RGMA: variants seen among roughly 807,000 people sequenced by gnomAD.
RGMA encodes repulsive guidance molecule A.
RGMA carries 10 observed loss-of-function variants against 23.2 expected under a neutral mutation model. That is an observed-to-expected ratio of 0.43 (90% confidence interval 0.27 to 0.73). The LOEUF is 0.73. Among genes scored for constraint, RGMA ranks in the 30% least tolerant of loss-of-function variants. The pLI is 0.20. For missense variants in RGMA, 547 were observed against 630.5 expected (o/e 0.87, Z 1.42); for synonymous variants, 308 against 279.3 (o/e 1.10, Z -1.03).
chr15:93,044,957 C>A lies in RGMA; in HGVS notation c.*41G>T. 1 of 1,498,122 alleles carries A rather than the reference C, an allele frequency of 6.7e-7. No individual in the cohort carries two copies. Among genetic ancestry groups the A allele is most frequent in the Non-Finnish European group, 9.0e-7 (1 of 1,109,480 alleles). The allele number at this position is 1,498,122 out of a possible 1,614,324, so 92.8% of individuals were successfully genotyped here. On this transcript the variant is annotated 3_prime_UTR_variant, in exon 4 of 4. Coordinates refer to ENST00000329082, the MANE Select transcript of RGMA (RefSeq NM_020211.3). The stretch of plus-strand genomic sequence containing the variant: ...CGGTCCCAGCCCACACATGGGGAAG[C>A]CGAGAGGACGGAGCCCGCGCCTCCC...
chr15:93,073,849 T>G (rs1001716956), intron 1 of RGMA: 17 of 1,501,710 alleles, frequency 1.1e-5, no homozygotes, highest in Non-Finnish European at 1.5e-5. Flanking sequence ...GCTGAGGGCC[T>G]GCGGGCCTAA....
intron 2 of RGMA, among the ~76,000 whole-genome samples, chr15:93,054,323 T>C (rs2054977401): frequency 6.6e-6 from 1 of 152,090 alleles, no homozygotes; most frequent in Non-Finnish European, 1.5e-5. Flanking sequence ...AGGGTCAGGT[T>C]AGGTAAATGA....
At chr15:93,054,264 C>G (rs2054976600) in intron 2 of RGMA, among the ~76,000 whole-genome samples, 1 of 150,322 alleles carries the variant, frequency 6.7e-6, no homozygotes, top group Non-Finnish European at 1.5e-5. Context: ...GGAAGAGCTA[C>G]AGATTTTCCA....
chr15:93,058,238 G>A (rs1300402963), intron 2 of RGMA, among the ~76,000 whole-genome samples: 2 of 152,230 alleles, frequency 1.3e-5, no homozygotes, highest in Non-Finnish European at 2.9e-5. Flanking sequence ...TTCTTATGGG[G>A]CAGTGCCCAG....
At chr15:93,061,991 C>G (rs901921492) in intron 2 of RGMA, among the ~76,000 whole-genome samples, 1 of 151,980 alleles carries the variant, frequency 6.6e-6, no homozygotes, top group Non-Finnish European at 1.5e-5. Flanking sequence ...CAATTTGCCA[C>G]CAAGAAAAGC....
intron 2 of RGMA, among the ~76,000 whole-genome samples, chr15:93,056,892 C>G (rs2055023748): frequency 6.6e-6 from 1 of 152,204 alleles, no homozygotes; most frequent in Admixed American, 6.5e-5. Flanking sequence ...ACAGGGTCCC[C>G]CACAAAGGCC....
chr15:93,035,436 G>C lies in RGMA; in HGVS notation c.*9562C>G, dbSNP rs147660098. On this transcript the variant is annotated 3_prime_UTR_variant, in exon 4 of 4. Transcript: ENST00000329082. ...GTGGGAATTGATGGCCAAGGAGCAG[G>C]GTGGGCTCAGTGGATGGAAAACCTC... 1.1e-3 allele frequency: 175 copies of C among 152,364 alleles called. 1 individual carries two copies. The highest frequency in any genetic ancestry group is 4.0e-3 in the African/African-American group (167 of 41,548). The allele number at this position is 152,364 out of a possible 1,614,324, so 9.4% of individuals were successfully genotyped here.
In RGMA at chr15:93,052,505, T is replaced by C. The variant is rs763101443; in HGVS notation, c.133A>G (p.Thr45Ala). The change falls in exon 3 of 4, where the codon ACC becomes GCC. Residue 45 changes from threonine to alanine, a missense_variant and splice_region_variant. By Grantham distance (58) the Thr-to-Ala change is moderately conservative. Around this residue, in one of 3 missense-constraint regions of RGMA, gnomAD observed 214 missense variants for 234.7 expected, o/e 0.91. Coordinates refer to ENST00000329082, the MANE Select transcript of RGMA (RefSeq NM_020211.3). ...AFLLCSFPAA[T>A]SPCKILKCNS... ...CACTTGAGGATCTTGCACGGGGAGG[T>C]GGCTGAGGAGAAAGGAACGAACACA... The C allele has an allele frequency of 2.6e-6, 4 of 1,566,418 alleles. No individual in the cohort carries two copies. In the South Asian group the frequency reaches 3.4e-5, roughly 13 times the overall value.
chr15:93,069,007 T>C (rs1895239644), intron 2 of RGMA, among the ~76,000 whole-genome samples: 1 of 152,202 alleles, frequency 6.6e-6, no homozygotes, highest in African/African-American at 2.4e-5. Context: ...TTATGGTATT[T>C]TGTTACAGCA....
chr15:93,050,075 G>C (rs2054892977), intron 3 of RGMA, among the ~76,000 whole-genome samples: 1 of 152,196 alleles, frequency 6.6e-6, no homozygotes, highest in Non-Finnish European at 1.5e-5. Flanking sequence ...TTGGTGGATG[G>C]GCTCCCCAGT....
Position 93,044,699 on chromosome 15 carries a change from TG to T in RGMA, c.*298del, listed in dbSNP as rs2054785269. 3 of 324,904 alleles carry T rather than the reference TG, an allele frequency of 9.2e-6. No individual in the cohort carries two copies. Among genetic ancestry groups the T allele is most frequent in the Non-Finnish European group, 1.1e-5 (2 of 189,696 alleles). The allele number at this position is 324,904 out of a possible 1,614,324, so 20.1% of individuals were successfully genotyped here. A position where few individuals can be genotyped will look rare whatever the true frequency, so the allele number is the denominator to read the frequency against. ...GTTCCCAGTGTGTCTCTGGTGGGGG[TG>T]GGGGGCTTCAGCCTGAGGGGATGTT... On this transcript the variant is annotated 3_prime_UTR_variant, in exon 4 of 4. Coordinates refer to ENST00000329082, the MANE Select transcript of RGMA (RefSeq NM_020211.3).
chr15:93,072,865 G>A, intron 2 of RGMA, 51 bp downstream of exon 2: 3 of 1,559,434 alleles, frequency 1.9e-6, no homozygotes, highest in Non-Finnish European at 2.6e-6. Context: ...GCCCAGCATT[G>A]AGGGGCGGCC....
chr15:93,073,455 C>A, intron 1 of RGMA: 1 of 1,007,530 alleles, frequency 9.9e-7, no homozygotes, highest in Non-Finnish European at 1.4e-6. Flanking sequence ...GGCCCAGCAC[C>A]CTTGGGAGGC....
intron 1 of RGMA, among the ~76,000 whole-genome samples, chr15:93,080,532 A>G (rs1475453442): frequency 6.6e-6 from 1 of 152,208 alleles, no homozygotes; most frequent in African/African-American, 2.4e-5. Flanking sequence ...TGATGAGATC[A>G]CAGCTGCTCC....
chr15:93,061,466 T>C (rs2141825501), intron 2 of RGMA, among the ~76,000 whole-genome samples: 1 of 152,310 alleles, frequency 6.6e-6, no homozygotes, highest in East Asian at 1.9e-4. Context: ...AGAGATGTGA[T>C]GCTGTTTTAA....
rs933754838 is a variant in RGMA at position 93,036,322 on chromosome 15, G to GA, written c.*8675dup. ...ATGTTTGTGCCAGGAAGGAAGGGAAGAAGGACTCCTCTTGTTTTATGCAAC... is the reference window on the plus strand; with the variant it reads ...ATGTTTGTGCCAGGAAGGAAGGGAAGAAAGGACTCCTCTTGTTTTATGCAAC... On this transcript the variant is annotated 3_prime_UTR_variant, in exon 4 of 4. Transcript: ENST00000329082. The GA allele has an allele frequency of 4.5e-4, 69 of 152,416 alleles. No homozygotes were observed. The highest frequency in any genetic ancestry group is 1.5e-3 in the African/African-American group (62 of 41,588). 9.4% of individuals were successfully genotyped at this position (152,416 alleles called of 1,614,324 possible). A position where few individuals can be genotyped will look rare whatever the true frequency, so the allele number is the denominator to read the frequency against.
intron 1 of RGMA, among the ~76,000 whole-genome samples, chr15:93,082,596 C>T (rs148425634): frequency 2.6e-5 from 4 of 152,290 alleles, no homozygotes; most frequent in African/African-American, 4.8e-5. Context: ...CAATAATATG[C>T]CCCACATGTA....
intron 2 of RGMA, among the ~76,000 whole-genome samples, chr15:93,053,673 C>A (rs1009436137): frequency 6.6e-6 from 1 of 152,204 alleles, no homozygotes; most frequent in Non-Finnish European, 1.5e-5. Context: ...TGTGTGAACC[C>A]AGCCTGCATT....
intron 1 of RGMA, 114 bp downstream of exon 1, chr15:93,088,805 C>G: frequency 9.8e-7 from 1 of 1,016,512 alleles, no homozygotes. Context: ...AAGATGGGAG[C>G]AAGATGAGAC....
Sources: gnomAD v4.1 joint callset for allele counts (sites outside exome capture counted in the v4.1 genomes callset) on GRCh38, gnomAD v4.1.1 for gene constraint, gnomAD v4.1.1 regional missense constraint, MANE v1.5 for transcripts, NCBI Gene and HGNC (gene_info 2026-07-23, HGNC 2026-07-21) for gene names.